TAF4B: variants seen among roughly 807,000 people sequenced by gnomAD.
The protein encoded by TAF4B is transcription initiation factor TFIID subunit 4B.
A neutral mutation model predicts 86.4 loss-of-function variants in TAF4B; 38 were observed. That is an observed-to-expected ratio of 0.44 (90% CI 0.34 to 0.58). The LOEUF is 0.58. TAF4B is among the 20% of genes least tolerant of loss of function. TAF4B has a pLI of 0.02. For missense variants in TAF4B, 988 were observed against 1,027.6 expected, an observed-to-expected ratio of 0.96 and a Z score of 0.53; for synonymous variants, 388 against 391.2, an observed-to-expected ratio of 0.99 and a Z score of 0.10.
chr18:26,246,400 G>A (rs2055924798), intron 1 of TAF4B, among the ~76,000 whole-genome samples: 2 of 152,144 alleles, frequency 1.3e-5, no homozygotes, highest in South Asian at 4.1e-4. Flanking sequence ...GATAATAATG[G>A]GCTTGTAGGG....
intron 1 of TAF4B, among the ~76,000 whole-genome samples, chr18:26,260,921 CA>C (rs1168679239): frequency 1.1e-4 from 17 of 152,252 alleles, no homozygotes. Flanking sequence ...ATCTGTCTCA[CA>C]GGTGGTTTCT....
intron 1 of TAF4B, among the ~76,000 whole-genome samples, chr18:26,235,495 A>C (rs537920613): frequency 6.6e-6 from 1 of 152,344 alleles, no homozygotes; most frequent in South Asian, 2.1e-4. Context: ...CAAGAGATCT[A>C]GAGTAGCCTG....
At position 26,318,487 on chromosome 18, in the gene TAF4B, T is replaced by TA. The variant is rs964207484; in HGVS notation, c.2003-2582dup. The stretch of plus-strand genomic sequence containing the variant: ...AAGGCTGTTTGTTAAAAATAGAAAT[T>TA]ACAAATTTACCCAAAGATTTTCTTT... On this transcript the variant is annotated intron_variant, in intron 10 of 14. Transcript: ENST00000269142. 1.8e-4 allele frequency among the ~76,000 whole-genome samples: 27 copies of TA among 152,140 alleles called. 1 individual carries two copies. Among genetic ancestry groups the TA allele is most frequent in the African/African-American group, 5.5e-4 (23 of 41,442 alleles).
At chr18:26,339,547 G>A (rs762146497) in intron 13 of TAF4B, among the ~76,000 whole-genome samples, 6 of 152,000 alleles carry the variant, frequency 3.9e-5, no homozygotes, top group Admixed American at 1.3e-4. Context: ...GGCTGATCTC[G>A]ATCTTGTGGC....
chr18:26,352,360 A>G (rs2057252621), intron 13 of TAF4B, among the ~76,000 whole-genome samples: 1 of 151,990 alleles, frequency 6.6e-6, no homozygotes, highest in Non-Finnish European at 1.5e-5. Flanking sequence ...CCTCAAATCA[A>G]TAAATTAAAC....
chr18:26,269,454 T>G (rs147903871), intron 3 of TAF4B, among the ~76,000 whole-genome samples: 2,108 of 152,266 alleles, frequency 0.014, 32 homozygotes, highest in Non-Finnish European at 0.021. Context: ...ACTAGACTCC[T>G]AGTTTCCGAG....
intron 3 of TAF4B, among the ~76,000 whole-genome samples, chr18:26,268,034 A>G (rs2056264426): frequency 6.6e-6 from 1 of 152,148 alleles, no homozygotes; most frequent in Non-Finnish European, 1.5e-5. Context: ...GCCGGTCAGC[A>G]TTGTCCCACT....
intron 1 of TAF4B, among the ~76,000 whole-genome samples, chr18:26,241,585 T>C (rs567158814): frequency 1.3e-5 from 2 of 152,332 alleles, no homozygotes; most frequent in Non-Finnish European, 2.9e-5. Context: ...CTCTATCTCC[T>C]TCAGTTCTGC....
intron 9 of TAF4B, among the ~76,000 whole-genome samples, chr18:26,307,002 G>C (rs2056802125): frequency 6.6e-6 from 1 of 151,918 alleles, no homozygotes; most frequent in Non-Finnish European, 1.5e-5. Context: ...AGGATGGTCA[G>C]ATGGTCTCGA....
intron 13 of TAF4B, among the ~76,000 whole-genome samples, chr18:26,342,471 T>C (rs1474236404): frequency 6.6e-6 from 1 of 152,222 alleles, no homozygotes; most frequent in Non-Finnish European, 1.5e-5. Context: ...GTTTCTGTTT[T>C]CAATAGTTTT....
At chr18:26,378,565 A>G (rs2057458052) in intron 14 of TAF4B, among the ~76,000 whole-genome samples, 2 of 152,196 alleles carry the variant, frequency 1.3e-5, no homozygotes, top group Admixed American at 1.3e-4. Context: ...TAAGTTAAAA[A>G]TTGAAATTAA....
chr18:26,344,370 A>T (rs79727588), intron 13 of TAF4B, among the ~76,000 whole-genome samples: 4,844 of 147,750 alleles, frequency 0.033, 148 homozygotes, highest in African/African-American at 0.085. Context: ...TTTTTTTTTT[A>T]AAAAAAAAGG....
In TAF4B at chr18:26,227,080, T is replaced by A; in HGVS notation, c.147T>A (p.Pro49=). 2 of 1,606,966 alleles carry A rather than the reference T, an allele frequency of 1.2e-6. No homozygotes were observed. The highest frequency in any genetic ancestry group is 1.7e-6 in the Non-Finnish European group (2 of 1,177,964). ...CCCTGGGCGCCGTGACTAAGGCTCC[T>A]GTCAGCGTCTGCGTGGAGCCCACGG... ...PVALGAVTKA[P]VSVCVEPTAS... Residue 49 remains proline (P), a synonymous_variant, in exon 1 of 15, where the codon CCT becomes CCA. Coordinates refer to ENST00000269142, the MANE Select transcript of TAF4B (RefSeq NM_005640.3).
chr18:26,233,328 G>C (rs1414049025), intron 1 of TAF4B, among the ~76,000 whole-genome samples: 1 of 152,144 alleles, frequency 6.6e-6, no homozygotes, highest in Non-Finnish European at 1.5e-5. Context: ...GAAGGGAGGA[G>C]AAGGCATTCA....
At chr18:26,331,834 A>G (rs2057052745) in intron 12 of TAF4B, among the ~76,000 whole-genome samples, 1 of 152,056 alleles carries the variant, frequency 6.6e-6, no homozygotes, top group African/African-American at 2.4e-5. Flanking sequence ...TATTTCTCCT[A>G]CTGTGGTCAG....
At chr18:26,342,025 A>C (rs1422457289) in intron 13 of TAF4B, among the ~76,000 whole-genome samples, 1 of 152,198 alleles carries the variant, frequency 6.6e-6, no homozygotes, top group Non-Finnish European at 1.5e-5. Context: ...AGTTTGATCC[A>C]TGAAATTTTC....
rs151068048 is a variant in TAF4B at position 26,389,141 on chromosome 18, G to A, written c.2422-704G>A. Among the ~76,000 whole-genome samples the A allele has an allele frequency of 2.0e-3, 311 of 152,250 alleles. 2 individuals carry two copies. The highest frequency in any genetic ancestry group is 7.3e-3 in the African/African-American group (303 of 41,540). On this transcript the variant is annotated intron_variant, in intron 14 of 14. Coordinates refer to ENST00000269142, the MANE Select transcript of TAF4B (RefSeq NM_005640.3). The stretch of plus-strand genomic sequence containing the variant: ...CTTACTTTAGGTCAAATTAGAAACT[G>A]AGTCACAGCTCAACTTTGCTGTGTG...
chr18:26,255,128 C>T (rs2056063014), intron 1 of TAF4B, among the ~76,000 whole-genome samples: 1 of 151,970 alleles, frequency 6.6e-6, no homozygotes, highest in African/African-American at 2.4e-5. Context: ...GTTTATCATA[C>T]AACAAATCCC....
intron 1 of TAF4B, among the ~76,000 whole-genome samples, chr18:26,231,194 C>A (rs551890153): frequency 1.3e-5 from 2 of 151,088 alleles, no homozygotes; most frequent in Non-Finnish European, 3.0e-5. Context: ...CATGCGCCAC[C>A]ACCCTTGGCT....
Sources: allele counts gnomAD v4.1 joint callset (sites outside exome capture counted in the v4.1 genomes callset), GRCh38; gene constraint gnomAD v4.1.1; transcripts MANE v1.5; gene names NCBI Gene and HGNC (gene_info 2026-07-23, HGNC 2026-07-21).